The following TSPAN31 variants were observed in gnomAD, a reference collection of about 807,000 sequenced individuals.
The protein encoded by TSPAN31 is tetraspanin 31.
In TSPAN31, 16 loss-of-function variants were observed where a neutral mutation model predicts 24.8. That is an observed-to-expected ratio of 0.64 (90% CI 0.44 to 0.98). The LOEUF (loss-of-function observed/expected upper bound fraction) is 0.98. TSPAN31 is among the 50% of genes least tolerant of loss of function. The pLI is 0.00. For missense variants in TSPAN31, 209 were observed against 251.6 expected (o/e 0.83, Z 1.15); for synonymous variants, 87 against 91.4 (o/e 0.95, Z 0.27).
In TSPAN31 at chr12:57,748,645, C is replaced by T. The variant is rs945131804; in HGVS notation, c.*1355C>T. ...GAGGGGAGAGGCAAAGGTCAGAAAA[C>T]CATGAAGAAAACAGACTTCTGCCCA... On this transcript the variant is annotated 3_prime_UTR_variant, in exon 6 of 6. Coordinates refer to ENST00000257910, the MANE Select transcript of TSPAN31 (RefSeq NM_005981.5). 1 of 1,518,994 alleles carries T rather than the reference C, an allele frequency of 6.6e-7. No individual in the cohort carries two copies. Among genetic ancestry groups the T allele is most frequent in the Admixed American group, 1.7e-5 (1 of 59,882 alleles). 94.1% of individuals were successfully genotyped at this position (1,518,994 alleles called of 1,614,324 possible).
At position 57,748,708 on chromosome 12, in the gene TSPAN31, C is replaced by CTTTT; in HGVS notation, c.*1430_*1433dup. 4 of 693,616 alleles carry CTTTT rather than the reference C, an allele frequency of 5.8e-6. No individual in the cohort carries two copies. The highest frequency in any genetic ancestry group is 1.6e-5 in the South Asian group (1 of 64,242). The allele number at this position is 693,616 out of a possible 1,614,324, so 43.0% of individuals were successfully genotyped here. The stretch of plus-strand genomic sequence containing the variant: ...CCTGGGATGAGCTTTCTTCTTTTTT[C>CTTTT]TTTTTTTTTTTTTTTGAGACGGAGT... On this transcript the variant is annotated 3_prime_UTR_variant, in exon 6 of 6. Transcript: ENST00000257910.
intron 4 of TSPAN31, 85 bp downstream of exon 4, chr12:57,746,805 A>T (rs1451549537): frequency 1.3e-6 from 2 of 1,582,340 alleles, no homozygotes; most frequent in Admixed American, 1.7e-5. Flanking sequence ...TTTAGTTTGA[A>T]TGTCATTGTT....
chr12:57,745,722 T>C (rs754695975), intron 1 of TSPAN31, 23 bp from the exon 2 acceptor site: 1 of 1,613,778 alleles, frequency 6.2e-7, no homozygotes, highest in South Asian at 1.1e-5. Context: ...ATTGTTGAGA[T>C]GTATCCTGCT....
chr12:57,749,520 A>T lies in TSPAN31; in HGVS notation c.*2230A>T. 6.2e-7 allele frequency: 1 copy of T among 1,613,320 alleles called. No individual in the cohort carries two copies. Among genetic ancestry groups the T allele is most frequent in the Non-Finnish European group, 8.5e-7 (1 of 1,179,252 alleles). ...GAAGAGAGGCCTAAGGTGAGAAGGG[A>T]TATAAGGTAGCAGTCATTTTCAAAG... On this transcript the variant is annotated 3_prime_UTR_variant, in exon 6 of 6. Coordinates refer to ENST00000257910, the MANE Select transcript of TSPAN31 (RefSeq NM_005981.5).
rs1955184532 is a variant in TSPAN31 at position 57,748,398 on chromosome 12, A to G, written c.*1108A>G. The G allele has an allele frequency of 2.6e-6, 2 of 778,338 alleles. No individual in the cohort carries two copies. Among genetic ancestry groups the G allele is most frequent in the Non-Finnish European group, 4.7e-6 (2 of 428,640 alleles). 48.2% of individuals were successfully genotyped at this position (778,338 alleles called of 1,614,324 possible). ...GGAGGGGAATGTCATTAAGGCAGCA[A>G]AGTAATCTCTGTAGAAAGATGGAGG... is the stretch of plus-strand genomic sequence containing the variant. On this transcript the variant is annotated 3_prime_UTR_variant, in exon 6 of 6. Coordinates refer to ENST00000257910, the MANE Select transcript of TSPAN31 (RefSeq NM_005981.5).
chr12:57,746,846 CTG>C (rs1330290135), intron 4 of TSPAN31, 126 bp downstream of exon 4: 1 of 1,453,936 alleles, frequency 6.9e-7, no homozygotes, highest in African/African-American at 1.4e-5. Context: ...TGTATTGGGG[CTG>C]TGTTGGTGGG....
At position 57,748,970 on chromosome 12, in the gene TSPAN31, T is replaced by A; in HGVS notation, c.*1680T>A. 1 of 648,288 alleles carries A rather than the reference T, an allele frequency of 1.5e-6. No homozygotes were observed. The highest frequency in any genetic ancestry group is 2.7e-6 in the Non-Finnish European group (1 of 374,620). 40.2% of individuals were successfully genotyped at this position (648,288 alleles called of 1,614,324 possible). ...ATACGCCCACCTTGGCCTCCCAAAG[T>A]GCTGGGATTACAGGCGTGAGCCACC... On this transcript the variant is annotated 3_prime_UTR_variant, in exon 6 of 6. Coordinates refer to ENST00000257910, the MANE Select transcript of TSPAN31 (RefSeq NM_005981.5).
Position 57,749,317 on chromosome 12 carries a change from G to A in TSPAN31, c.*2027G>A, listed in dbSNP as rs1555201112. 1 of 1,614,206 alleles carries A rather than the reference G, an allele frequency of 6.2e-7. No individual in the cohort carries two copies. Among genetic ancestry groups the A allele is most frequent in the Non-Finnish European group, 8.5e-7 (1 of 1,180,020 alleles). ...CATCCTCTGGAGGCAGCCCAATCAGGCTGTGGGGGACAGGAGAACTCTGGT... is the reference window on the plus strand; with the variant it reads ...CATCCTCTGGAGGCAGCCCAATCAGACTGTGGGGGACAGGAGAACTCTGGT... On this transcript the variant is annotated 3_prime_UTR_variant, in exon 6 of 6. Coordinates refer to ENST00000257910, the MANE Select transcript of TSPAN31 (RefSeq NM_005981.5).
Position 57,749,794 on chromosome 12 carries a change from C to A in TSPAN31, c.*2504C>A. 1 of 469,530 alleles carries A rather than the reference C, an allele frequency of 2.1e-6. No homozygotes were observed. Among genetic ancestry groups the A allele is most frequent in the Non-Finnish European group, 3.9e-6 (1 of 257,162 alleles). The allele number at this position is 469,530 out of a possible 1,614,324, so 29.1% of individuals were successfully genotyped here. The stretch of plus-strand genomic sequence containing the variant: ...TGGGTGGATCATGAGGTCAAGAGAT[C>A]GAGACCATCCTGGCCAACATGGTGA... On this transcript the variant is annotated 3_prime_UTR_variant, in exon 6 of 6. Coordinates refer to ENST00000257910, the MANE Select transcript of TSPAN31 (RefSeq NM_005981.5).
rs1955208335 is a variant in TSPAN31 at position 57,749,629 on chromosome 12, T to G, written c.*2339T>G. 3.2e-6 allele frequency: 3 copies of G among 924,612 alleles called. No individual in the cohort carries two copies. The highest frequency in any genetic ancestry group is 5.2e-6 in the Non-Finnish European group (3 of 573,882). The allele number at this position is 924,612 out of a possible 1,614,324, so 57.3% of individuals were successfully genotyped here. ...GGCCAACAATTCCAGCACTTTGGGA[T>G]GCTGAGGTGAGAGGACTGCTTGAGC... is the stretch of plus-strand genomic sequence containing the variant. On this transcript the variant is annotated 3_prime_UTR_variant, in exon 6 of 6. Transcript: ENST00000257910.
Position 57,749,356 on chromosome 12 carries a change from C to T in TSPAN31, c.*2066C>T, listed in dbSNP as rs1471898565. 5.6e-6 allele frequency: 9 copies of T among 1,614,052 alleles called. No homozygotes were observed. The highest frequency in any genetic ancestry group is 7.6e-6 in the Non-Finnish European group (9 of 1,179,910). On this transcript the variant is annotated 3_prime_UTR_variant, in exon 6 of 6. Coordinates refer to ENST00000257910, the MANE Select transcript of TSPAN31 (RefSeq NM_005981.5). ...GAGAACTCTGGTCAGGAGGGTCCTCCAGTTCCCATCCCCATGGGCAGAGCC... is the reference window on the plus strand; with the variant it reads ...GAGAACTCTGGTCAGGAGGGTCCTCTAGTTCCCATCCCCATGGGCAGAGCC...
rs1351234555 is a variant in TSPAN31 at position 57,745,794 on chromosome 12, G to A, written c.113G>A (p.Gly38Asp). Residue 38 changes from glycine (G) to aspartate (D), a missense_variant, in exon 2 of 6, where the codon GGT becomes GAT. Physicochemically the swap from Gly to Asp is moderately conservative, Grantham distance 94 (BLOSUM62 -1). Transcript: ENST00000257910. ...GTGGCTGCTTGGGGCAAGGGCCTGGGTCTGGTGTCCAGCATCCACATCATC... is the reference window on the plus strand; with the variant it reads ...GTGGCTGCTTGGGGCAAGGGCCTGGATCTGGTGTCCAGCATCCACATCATC... ...IGVAAWGKGL[G>D]LVSSIHIIGG... The A allele has an allele frequency of 5.0e-6, 8 of 1,613,668 alleles. No individual in the cohort carries two copies. Among genetic ancestry groups the A allele is most frequent in the South Asian group, 2.2e-5 (2 of 91,062 alleles).
chr12:57,746,323 C>A (rs774943777), intron 3 of TSPAN31, 67 bp downstream of exon 3: 3 of 1,450,134 alleles, frequency 2.1e-6, no homozygotes, highest in South Asian at 1.1e-5. Context: ...CGAACTCCTT[C>A]CTTAGTCTGG....
At chr12:57,745,590 G>A in intron 1 of TSPAN31, 155 bp from the exon 2 acceptor site, 1 of 928,180 alleles carries the variant, frequency 1.1e-6, no homozygotes, top group Non-Finnish European at 1.6e-6. Flanking sequence ...GGAGTGCCTA[G>A]GGATGCTCCC....
At position 57,749,826 on chromosome 12, in the gene TSPAN31, G is replaced by A. The variant is rs1042230307; in HGVS notation, c.*2536G>A. On this transcript the variant is annotated 3_prime_UTR_variant, in exon 6 of 6. Coordinates refer to ENST00000257910, the MANE Select transcript of TSPAN31 (RefSeq NM_005981.5). ...ATCCTGGCCAACATGGTGAAACCCTGTCATTACTAAAAGTACAAAAATTAG... is the reference window on the plus strand; with the variant it reads ...ATCCTGGCCAACATGGTGAAACCCTATCATTACTAAAAGTACAAAAATTAG... 81 of 396,392 alleles carry A rather than the reference G, an allele frequency of 2.0e-4. No individual in the cohort carries two copies. The highest frequency in any genetic ancestry group is 1.5e-3 in the African/African-American group (74 of 48,938). 24.6% of individuals were successfully genotyped at this position (396,392 alleles called of 1,614,324 possible). A position where few individuals can be genotyped will look rare whatever the true frequency, so the allele number is the denominator to read the frequency against.
intron 1 of TSPAN31, 58 bp downstream of exon 1, chr12:57,745,275 C>A: frequency 6.4e-7 from 1 of 1,565,038 alleles, no homozygotes; most frequent in East Asian, 2.3e-5. Flanking sequence ...GGGAGAATCT[C>A]TAGGGTACTT....
Position 57,749,605 on chromosome 12 carries a change from G to T in TSPAN31, c.*2315G>T. The T allele has an allele frequency of 8.6e-7, 1 of 1,156,236 alleles. No individual in the cohort carries two copies. The highest frequency in any genetic ancestry group is 1.3e-6 in the Non-Finnish European group (1 of 777,406). 71.6% of individuals were successfully genotyped at this position (1,156,236 alleles called of 1,614,324 possible). A position where few individuals can be genotyped will look rare whatever the true frequency, so the allele number is the denominator to read the frequency against. ...AAAATAGGAAGTATAGGGAATAAAG[G>T]CCAACAATTCCAGCACTTTGGGATG... On this transcript the variant is annotated 3_prime_UTR_variant, in exon 6 of 6. Coordinates refer to ENST00000257910, the MANE Select transcript of TSPAN31 (RefSeq NM_005981.5).
At chr12:57,745,659 C>A (rs758178483) in intron 1 of TSPAN31, 86 bp from the exon 2 acceptor site, 3 of 1,536,504 alleles carry the variant, frequency 2.0e-6, no homozygotes, top group Non-Finnish European at 2.7e-6. Context: ...TTCCTTCCCC[C>A]TGCCCCGCTC....
At position 57,748,489 on chromosome 12, in the gene TSPAN31, C is replaced by A. The variant is rs2140380808; in HGVS notation, c.*1199C>A. 1 of 1,471,564 alleles carries A rather than the reference C, an allele frequency of 6.8e-7. No individual in the cohort carries two copies. The highest frequency in any genetic ancestry group is 9.5e-7 in the Non-Finnish European group (1 of 1,050,598). The allele number at this position is 1,471,564 out of a possible 1,614,324, so 91.2% of individuals were successfully genotyped here. ...CTCTCAGTGTCCAGAAGGGAAATGG[C>A]AGCTTTTCTTCCTTCCATGGCAGCC... On this transcript the variant is annotated 3_prime_UTR_variant, in exon 6 of 6. Coordinates refer to ENST00000257910, the MANE Select transcript of TSPAN31 (RefSeq NM_005981.5).
Sources: allele counts gnomAD v4.1 joint callset, GRCh38; gene constraint gnomAD v4.1.1; transcripts MANE v1.5; gene names NCBI Gene and HGNC (gene_info 2026-07-23, HGNC 2026-07-21).